The following RELN variants were observed in gnomAD, a reference collection of about 807,000 sequenced individuals.
The protein encoded by RELN is reelin.
A neutral mutation model predicts 427.6 loss-of-function variants in RELN; 108 were observed. The observed-to-expected ratio is 0.25, with a 90% CI of 0.22 to 0.30. The LOEUF (loss-of-function observed/expected upper bound fraction) is 0.30, where lower values mean the gene tolerates loss of function less well. RELN is among the 10% of genes least tolerant of loss of function. The pLI, the probability that RELN is intolerant of heterozygous loss-of-function variation, is 1.00. For synonymous variants in RELN, 1,524 were observed against 1,513.4 expected (o/e 1.01, Z -0.16); for missense variants, 3,715 against 4,302.8 (o/e 0.86, Z 3.82).
chr7:103,560,567 A>G (rs953265275), intron 36 of RELN, among the ~76,000 whole-genome samples: 5 of 152,278 alleles, frequency 3.3e-5, no homozygotes, highest in African/African-American at 1.2e-4. Context: ...AGTCTTGTCA[A>G]CTGGTTCAAA....
At chr7:103,907,859 G>A (rs1483648430) in intron 2 of RELN, among the ~76,000 whole-genome samples, 1 of 151,774 alleles carries the variant, frequency 6.6e-6, no homozygotes, top group East Asian at 1.9e-4. Context: ...ATAGGTATAT[G>A]TGTGCCATGG....
At chr7:103,837,370 T>A (rs1793436189) in intron 2 of RELN, among the ~76,000 whole-genome samples, 1 of 152,218 alleles carries the variant, frequency 6.6e-6, no homozygotes, top group African/African-American at 2.4e-5. Flanking sequence ...GCTCTCCCTG[T>A]ACACATTTAC....
rs554068721 is a variant in RELN at position 103,517,981 on chromosome 7, C to T, written c.7862+1342G>A. Among the ~76,000 whole-genome samples the T allele has an allele frequency of 5.3e-5, 8 of 152,316 alleles. 1 individual carries two copies. Among genetic ancestry groups the T allele is most frequent in the South Asian group, 2.1e-4 (1 of 4,826 alleles). On this transcript the variant is annotated intron_variant, in intron 49 of 64. Coordinates refer to ENST00000428762, the MANE Select transcript of RELN (RefSeq NM_005045.4). ...CCTTGAAGAGAGAGCACACCCTTCT[C>T]GCCCCAATCTCCTTCCTATGGACTG...
chr7:103,611,354 A>G (rs982976313), intron 21 of RELN, among the ~76,000 whole-genome samples: 1 of 152,130 alleles, frequency 6.6e-6, no homozygotes, highest in African/African-American at 2.4e-5. Flanking sequence ...TCAAAACATC[A>G]TTTGAGGGTA....
rs1281595612 is a variant in RELN, at chr7:103,968,035, T to C, written c.226+21096A>G. Among the ~76,000 whole-genome samples, 1 of 148,556 alleles carries C rather than the reference T, an allele frequency of 6.7e-6. No homozygotes were observed. The highest frequency in any genetic ancestry group is 1.5e-5 in the Non-Finnish European group (1 of 67,208). On this transcript the variant is annotated intron_variant, in intron 1 of 64. Coordinates refer to ENST00000428762, the MANE Select transcript of RELN (RefSeq NM_005045.4). The surrounding 1 kb of genome is among the most constrained non-coding windows in gnomAD (Gnocchi z 4.3). ...ATATAAATATAAAATATATTTTGTA[T>C]ATATATTTATATATATGAATATATA...
chr7:103,822,012 G>C (rs894231472), intron 3 of RELN, among the ~76,000 whole-genome samples: 2 of 151,950 alleles, frequency 1.3e-5, no homozygotes, highest in Admixed American at 1.3e-4. Context: ...ATTGTGAGGC[G>C]CTAAAATAGA....
chr7:103,492,767 A>G (rs762136438), intron 57 of RELN, among the ~76,000 whole-genome samples: 9 of 152,212 alleles, frequency 5.9e-5, no homozygotes, highest in Non-Finnish European at 1.2e-4. Flanking sequence ...TATTTGATTC[A>G]GTGGATTAGA....
chr7:103,550,534 C>T (rs1830387866), intron 41 of RELN, among the ~76,000 whole-genome samples: 2 of 151,076 alleles, frequency 1.3e-5, no homozygotes, highest in Non-Finnish European at 2.9e-5. Context: ...AGTTGCTTTT[C>T]AGCAGAAGAG....
chr7:103,903,367 C>T (rs1036925204), intron 2 of RELN, among the ~76,000 whole-genome samples: 2 of 151,486 alleles, frequency 1.3e-5, no homozygotes, highest in Admixed American at 1.3e-4. Context: ...GCTTCATTTA[C>T]GGAAACTTAT....
intron 3 of RELN, among the ~76,000 whole-genome samples, chr7:103,788,424 G>A (rs1792075041): frequency 6.6e-6 from 1 of 152,158 alleles, no homozygotes; most frequent in African/African-American, 2.4e-5. Context: ...TGACACGATT[G>A]TATATTTAGA....
chr7:103,627,843 A>G (rs1165064497), intron 20 of RELN: 1 of 152,254 alleles, frequency 6.6e-6, no homozygotes, highest in East Asian at 1.9e-4. Context: ...TGGGTTAAGA[A>G]TATTCATCAG....
intron 1 of RELN, among the ~76,000 whole-genome samples, chr7:103,960,377 CT>C (rs1796525494): frequency 6.6e-6 from 1 of 152,188 alleles, no homozygotes; most frequent in African/African-American, 2.4e-5. Context: ...TCTTTCAACT[CT>C]TTATTCACAT....
Position 103,511,656 on chromosome 7 carries a change from T to C in RELN, c.8120-651A>G, listed in dbSNP as rs2528860. Among the ~76,000 whole-genome samples, 805 of 152,060 alleles carry C rather than the reference T, an allele frequency of 5.3e-3. 8 individuals are homozygous for C. The highest frequency in any genetic ancestry group is 0.018 in the African/African-American group (732 of 41,478). On this transcript the variant is annotated intron_variant, in intron 50 of 64. Transcript: ENST00000428762. Reference sequence around the variant, plus strand: ...ACTTTGAAAGGCTGAAGTGGGAGGATCGCTTGAGGCCAGCCTGGGCAACAT... The same window carrying C: ...ACTTTGAAAGGCTGAAGTGGGAGGACCGCTTGAGGCCAGCCTGGGCAACAT...
At chr7:103,539,414 G>A in intron 44 of RELN, 87 bp from the exon 45 acceptor site, 1 of 1,384,842 alleles carries the variant, frequency 7.2e-7, no homozygotes, top group Non-Finnish European at 1.0e-6. Context: ...TTGTTTGTTT[G>A]TTTTGATCTG....
Position 103,495,898 on chromosome 7 carries a change from T to C in RELN, c.9194A>G (p.Glu3065Gly). 8 of 1,614,018 alleles carry C rather than the reference T, an allele frequency of 5.0e-6. No individual in the cohort carries two copies. Among genetic ancestry groups the C allele is most frequent in the Non-Finnish European group, 5.9e-6 (7 of 1,179,936 alleles). ...PSQLVDTFDD[E>G]GTSHEENWSF... Reference sequence around the variant, plus strand: ...CCAGTTTTCTTCATGGGAAGTGCCTTCTGTTAAGGAAAATTGGAAGCAATA... The same window carrying C: ...CCAGTTTTCTTCATGGGAAGTGCCTCCTGTTAAGGAAAATTGGAAGCAATA... The change falls in exon 57 of 65, where the codon GAA becomes GGA. Residue 3065 changes from glutamate (E) to glycine (G), a missense_variant and splice_region_variant. Coordinates refer to ENST00000428762, the MANE Select transcript of RELN (RefSeq NM_005045.4).
At chr7:103,859,987 C>A (rs1794035333) in intron 2 of RELN, among the ~76,000 whole-genome samples, 2 of 152,092 alleles carry the variant, frequency 1.3e-5, no homozygotes, top group Admixed American at 1.3e-4. Context: ...AATATCAACC[C>A]TATGTAAGTA....
At chr7:103,700,854 A>G in intron 9 of RELN, 56 bp downstream of exon 9, 2 of 1,042,074 alleles carry the variant, frequency 1.9e-6, no homozygotes, top group Non-Finnish European at 3.0e-6. Flanking sequence ...GGCATATAGG[A>G]GAGTAGAACT....
intron 3 of RELN, among the ~76,000 whole-genome samples, chr7:103,815,756 G>GA (rs1792854659): frequency 6.6e-6 from 1 of 152,252 alleles, no homozygotes; most frequent in African/African-American, 2.4e-5. Flanking sequence ...GTGTTACTCT[G>GA]AAAATCTCCA....
chr7:103,558,536 C>G (rs1225166415), intron 36 of RELN, among the ~76,000 whole-genome samples: 1 of 152,148 alleles, frequency 6.6e-6, no homozygotes, highest in Non-Finnish European at 1.5e-5. Context: ...TTCAGGCTGA[C>G]ACAACAACAT....
Sources: allele counts gnomAD v4.1 joint callset (sites outside exome capture counted in the v4.1 genomes callset), GRCh38; gene constraint gnomAD v4.1.1; non-coding constraint Gnocchi (gnomAD v3.1); transcripts MANE v1.5; gene names NCBI Gene and HGNC (gene_info 2026-07-23, HGNC 2026-07-21).